ELAPOR2: variants seen among roughly 807,000 people sequenced by gnomAD.
The protein encoded by ELAPOR2 is endosome/lysosome-associated apoptosis and autophagy regulator family member 2.
ELAPOR2 carries 89 observed loss-of-function variants against 120.7 expected under a neutral mutation model. That is an observed-to-expected ratio of 0.74 (90% CI 0.62 to 0.88). The LOEUF (loss-of-function observed/expected upper bound fraction) is 0.88, where lower values mean the gene tolerates loss of function less well. ELAPOR2 is among the 40% of genes least tolerant of loss of function. The probability of loss-of-function intolerance (pLI) is 0.00; values close to 1 mark genes in which losing one functional copy is unlikely to be tolerated. For synonymous variants in ELAPOR2, 444 were observed against 444.9 expected (o/e 1.00, Z 0.03); for missense variants, 1,134 against 1,251.6 (o/e 0.91, Z 1.42).
At chr7:86,941,023 G>T (rs1213341062) in intron 5 of ELAPOR2, among the ~76,000 whole-genome samples, 3 of 152,002 alleles carry the variant, frequency 2.0e-5, no homozygotes, top group African/African-American at 7.2e-5. Context: ...CAGGTATACA[G>T]ATTTTTAAAA....
intron 1 of ELAPOR2, among the ~76,000 whole-genome samples, chr7:87,018,582 T>C (rs1025496194): frequency 3.3e-5 from 5 of 152,198 alleles, no homozygotes; most frequent in African/African-American, 4.8e-5. Flanking sequence ...TGGAGTATGA[T>C]GAACAAAATT....
At chr7:86,939,784 C>CT (rs1294443840) in intron 6 of ELAPOR2, among the ~76,000 whole-genome samples, 1 of 151,948 alleles carries the variant, frequency 6.6e-6, no homozygotes, top group African/African-American at 2.4e-5. Context: ...ATCATGTTTA[C>CT]TTTTTTTGCA....
At chr7:87,039,901 C>T (rs971409831) in intron 1 of ELAPOR2, among the ~76,000 whole-genome samples, 2 of 152,116 alleles carry the variant, frequency 1.3e-5, no homozygotes, top group Admixed American at 1.3e-4. Context: ...GGGCGCAGGT[C>T]AGTGGGTGCG....
At chr7:87,006,277 G>A (rs1338811918) in intron 1 of ELAPOR2, among the ~76,000 whole-genome samples, 1 of 150,162 alleles carries the variant, frequency 6.7e-6, no homozygotes, top group East Asian at 2.0e-4. Flanking sequence ...AATTACAGAA[G>A]TAATTTAATC....
intron 8 of ELAPOR2, among the ~76,000 whole-genome samples, chr7:86,935,558 T>C (rs1166311332): frequency 6.6e-5 from 10 of 151,986 alleles, no homozygotes; most frequent in Admixed American, 6.6e-4. Flanking sequence ...GTTCTCTAAG[T>C]GCTGAGATCC....
At chr7:87,021,969 T>C (rs575781400) in intron 1 of ELAPOR2, among the ~76,000 whole-genome samples, 4 of 152,286 alleles carry the variant, frequency 2.6e-5, no homozygotes, top group Admixed American at 6.5e-5. Context: ...TTAGGAATAA[T>C]TGTCTTATAA....
intron 1 of ELAPOR2, among the ~76,000 whole-genome samples, chr7:86,988,394 C>T (rs1401258235): frequency 6.6e-6 from 1 of 151,138 alleles, no homozygotes; most frequent in Non-Finnish European, 1.5e-5. Flanking sequence ...TAAAAAAATG[C>T]AAATAAATAA....
chr7:86,987,133 G>A (rs972045076), intron 1 of ELAPOR2, among the ~76,000 whole-genome samples: 1 of 152,150 alleles, frequency 6.6e-6, no homozygotes, highest in South Asian at 2.1e-4. Flanking sequence ...TGGGAAAACT[G>A]GGTAGTCATA....
At chr7:86,907,616 C>A (rs772300372) in intron 18 of ELAPOR2, 54 bp downstream of exon 18, 25 of 1,054,202 alleles carry the variant, frequency 2.4e-5, no homozygotes, top group Non-Finnish European at 2.7e-5. Flanking sequence ...TAGTAACATT[C>A]TGGAGAGTTT....
At chr7:86,918,711 C>G (rs1035691654) in intron 11 of ELAPOR2, among the ~76,000 whole-genome samples, 167 bp from the exon 12 acceptor site, 1 of 152,122 alleles carries the variant, frequency 6.6e-6, no homozygotes, top group Non-Finnish European at 1.5e-5. Context: ...CCTGTCCACA[C>G]CCTTTGTAGA....
At chr7:86,887,408 C>A (rs1320668919) in intron 21 of ELAPOR2, among the ~76,000 whole-genome samples, 1 of 152,036 alleles carries the variant, frequency 6.6e-6, no homozygotes, top group Non-Finnish European at 1.5e-5. Flanking sequence ...TCTTCCTGGG[C>A]AAATTGATTA....
intron 12 of ELAPOR2, among the ~76,000 whole-genome samples, chr7:86,917,997 A>T (rs1789643507): frequency 6.6e-6 from 1 of 152,144 alleles, no homozygotes. Flanking sequence ...ACATGAGCAT[A>T]GTACTCTTTT....
intron 1 of ELAPOR2, among the ~76,000 whole-genome samples, chr7:87,013,072 A>G (rs546687865): frequency 6.6e-6 from 1 of 152,356 alleles, no homozygotes; most frequent in South Asian, 2.1e-4. Flanking sequence ...TAAGATATTT[A>G]TCTTGTGTTT....
chr7:86,910,145 C>A (rs1172223234), intron 15 of ELAPOR2, 144 bp from the exon 16 acceptor site: 2 of 609,508 alleles, frequency 3.3e-6, no homozygotes, highest in African/African-American at 1.9e-5. Flanking sequence ...TGAGGCCTAG[C>A]CACCCATCAG....
intron 10 of ELAPOR2, among the ~76,000 whole-genome samples, chr7:86,923,870 C>G (rs1789939317): frequency 6.6e-6 from 1 of 152,064 alleles, no homozygotes; most frequent in East Asian, 1.9e-4. Flanking sequence ...TCCTCTTAGG[C>G]AAATTTTAGC....
At chr7:87,007,965 G>A (rs1793539630) in intron 1 of ELAPOR2, among the ~76,000 whole-genome samples, 1 of 152,140 alleles carries the variant, frequency 6.6e-6, no homozygotes, top group East Asian at 1.9e-4. Flanking sequence ...CCCATTAAAG[G>A]GTTGCCAAAA....
intron 1 of ELAPOR2, among the ~76,000 whole-genome samples, chr7:86,974,756 A>G (rs1185083839): frequency 1.3e-5 from 2 of 152,094 alleles, no homozygotes; most frequent in African/African-American, 4.8e-5. Context: ...TATTTCCCTC[A>G]GTTCAGTTAA....
At chr7:86,984,104 T>A (rs1242330127) in intron 1 of ELAPOR2, among the ~76,000 whole-genome samples, 2 of 152,106 alleles carry the variant, frequency 1.3e-5, no homozygotes, top group African/African-American at 4.8e-5. Context: ...GGCCACTACA[T>A]AATGGTAAAG....
At chr7:86,905,126 GGAAAGAAAGA>G (rs1788930577) in intron 18 of ELAPOR2, among the ~76,000 whole-genome samples, 1 of 114,708 alleles carries the variant, frequency 8.7e-6, no homozygotes, top group Non-Finnish European at 1.8e-5. Flanking sequence ...AAGGAAGGAA[GGAAAGAAAGA>G]AAAGAAAAGA....
Sources: allele counts gnomAD v4.1 joint callset (sites outside exome capture counted in the v4.1 genomes callset), GRCh38; gene constraint gnomAD v4.1.1; transcripts MANE v1.5; gene names NCBI Gene and HGNC (gene_info 2026-07-23, HGNC 2026-07-21).